The following PCDHA3 variants were observed in gnomAD, a reference collection of about 807,000 sequenced individuals.
PCDHA3 encodes protocadherin alpha 3.
PCDHA3 carries 41 observed loss-of-function variants against 62.2 expected under a neutral mutation model. The observed-to-expected ratio is 0.66, with a 90% CI of 0.51 to 0.86. The LOEUF (loss-of-function observed/expected upper bound fraction) is 0.86, where lower values mean the gene tolerates loss of function less well. PCDHA3 is among the 40% of genes least tolerant of loss of function. PCDHA3 has a pLI of 0.00. For synonymous variants in PCDHA3, 640 were observed against 555.4 expected (o/e 1.15, Z -2.14); for missense variants, 1,304 against 1,241.2 (o/e 1.05, Z -0.76).
rs1562179138 is a variant in PCDHA3, at chr5:140,801,463, G to A, written c.266G>A (p.Arg89Gln). 6.2e-7 allele frequency: 1 copy of A among 1,613,928 alleles called. No homozygotes were observed. Among genetic ancestry groups the A allele is most frequent in the African/African-American group, 1.3e-5 (1 of 74,942 alleles). The change falls in exon 1 of 4, where the codon CGG becomes CAG. Residue 89 changes from arginine (R) to glutamine (Q), a missense_variant. Physicochemically the swap from Arg to Gln is conservative, Grantham distance 43. Transcript: ENST00000522353. ...LQNGILFVNS[R>Q]IDREELCGRS... ...AATGGCATTTTGTTTGTGAATTCTC[G>A]GATAGACCGCGAGGAACTGTGCGGG... is the stretch of plus-strand genomic sequence containing the variant.
intron 1 of PCDHA3, among the ~76,000 whole-genome samples, chr5:140,879,850 T>C (rs935829286): frequency 3.3e-5 from 5 of 152,230 alleles, no homozygotes; most frequent in Non-Finnish European, 5.9e-5. Flanking sequence ...CACTCCCATC[T>C]CAGCCTTCTC....
At chr5:140,916,933 A>G (rs1554197692) in intron 1 of PCDHA3, among the ~76,000 whole-genome samples, 3 of 152,162 alleles carry the variant, frequency 2.0e-5, no homozygotes, top group Non-Finnish European at 4.4e-5. Context: ...ACTTAAGCAT[A>G]TAGTGGTGAG....
intron 3 of PCDHA3, among the ~76,000 whole-genome samples, chr5:140,996,256 A>C (rs2097718697): frequency 6.6e-6 from 1 of 152,252 alleles, no homozygotes. Flanking sequence ...TGACAGCAAC[A>C]CAGAGCCTGG....
intron 1 of PCDHA3, among the ~76,000 whole-genome samples, chr5:140,900,706 A>G (rs1279378955): frequency 6.6e-6 from 1 of 152,154 alleles, no homozygotes; most frequent in Admixed American, 6.5e-5. Flanking sequence ...GTTCTTTTGG[A>G]AAGAAAGGAA....
intron 2 of PCDHA3, among the ~76,000 whole-genome samples, chr5:140,981,011 T>C (rs1363062809): frequency 6.6e-6 from 1 of 152,132 alleles, no homozygotes; most frequent in African/African-American, 2.4e-5. Flanking sequence ...CCAGGAACAC[T>C]TGAAGGCTGT....
At chr5:140,961,193 G>C (rs1297758288) in intron 1 of PCDHA3, among the ~76,000 whole-genome samples, 1 of 152,124 alleles carries the variant, frequency 6.6e-6, no homozygotes, top group Non-Finnish European at 1.5e-5. Context: ...CAGGACCCTA[G>C]TGAGGTTGGT....
intron 1 of PCDHA3, among the ~76,000 whole-genome samples, chr5:140,906,069 T>C (rs2072342341): frequency 6.6e-6 from 1 of 152,204 alleles, no homozygotes; most frequent in African/African-American, 2.4e-5. Flanking sequence ...GCTGATTAGA[T>C]CGCACCCACC....
chr5:140,857,319 T>A, intron 1 of PCDHA3: 3 of 1,598,650 alleles, frequency 1.9e-6, no homozygotes, highest in Non-Finnish European at 2.6e-6. Flanking sequence ...GAGCTGGTGG[T>A]GACCGCGCGG....
intron 1 of PCDHA3, among the ~76,000 whole-genome samples, chr5:140,818,489 A>G (rs1554127494): frequency 6.6e-6 from 1 of 152,158 alleles, no homozygotes; most frequent in African/African-American, 2.4e-5. Context: ...CACTCACTTG[A>G]TCTTGGATTT....
intron 1 of PCDHA3, among the ~76,000 whole-genome samples, chr5:140,942,516 G>C (rs1172442572): frequency 2.0e-5 from 3 of 152,004 alleles, no homozygotes; most frequent in African/African-American, 7.3e-5. Flanking sequence ...AAACTCAGAG[G>C]GGAAGCAACT....
At chr5:140,815,851 G>C (rs767605235) in intron 1 of PCDHA3, 4 of 152,088 alleles carry the variant, frequency 2.6e-5, no homozygotes, top group Non-Finnish European at 4.4e-5. Context: ...TGGTGGATTT[G>C]GTATTCTTGG....
chr5:140,836,694 G>A (rs1249098151), intron 1 of PCDHA3: 9 of 1,613,292 alleles, frequency 5.6e-6, no homozygotes, highest in Non-Finnish European at 7.6e-6. Flanking sequence ...AGACCTCATG[G>A]CCTTCAGTCC....
intron 1 of PCDHA3, among the ~76,000 whole-genome samples, chr5:140,846,400 A>T (rs1581110513): frequency 9.9e-6 from 1 of 101,082 alleles, no homozygotes; most frequent in Non-Finnish European, 1.8e-5. Flanking sequence ...TTTGAGACGG[A>T]GTCTCGCTCT....
chr5:140,956,953 C>G (rs1347983778), intron 1 of PCDHA3, among the ~76,000 whole-genome samples: 1 of 135,202 alleles, frequency 7.4e-6, no homozygotes, highest in Non-Finnish European at 1.7e-5. Flanking sequence ...CATTAAAACA[C>G]TGTAATTAAT....
At position 140,803,410 on chromosome 5, in the gene PCDHA3, C is replaced by A; in HGVS notation, c.2213C>A (p.Thr738Lys). The change falls in exon 1 of 4, where the codon ACG becomes AAG. Residue 738 changes from threonine to lysine, a missense_variant. Physicochemically the swap from Thr to Lys is moderately conservative, Grantham distance 78. Coordinates refer to ENST00000522353, the MANE Select transcript of PCDHA3 (RefSeq NM_018906.3). ...TEGDCGPGKPTLVCSSAVGSW... is the reference protein window; with the variant it reads ...TEGDCGPGKPKLVCSSAVGSW... ...GGCGACTGTGGGCCGGGCAAGCCCA[C>A]GCTGGTGTGCTCCAGCGCGGTGGGG... 1.9e-6 allele frequency: 3 copies of A among 1,614,236 alleles called. No homozygotes were observed. Among genetic ancestry groups the A allele is most frequent in the South Asian group, 1.1e-5 (1 of 91,082 alleles).
At chr5:140,914,197 T>G (rs2076637069) in intron 1 of PCDHA3, among the ~76,000 whole-genome samples, 1 of 152,234 alleles carries the variant, frequency 6.6e-6, no homozygotes, top group South Asian at 2.1e-4. Flanking sequence ...ATTATTGTAT[T>G]GTGATCTCTA....
At chr5:140,815,206 C>G (rs141510646) in intron 1 of PCDHA3, 9 of 152,052 alleles carry the variant, frequency 5.9e-5, no homozygotes, top group African/African-American at 1.7e-4. Flanking sequence ...ATTGATAGGG[C>G]ATAACTTACT....
At chr5:140,869,529 T>G (rs2051206211) in intron 1 of PCDHA3, 2 of 1,614,166 alleles carry the variant, frequency 1.2e-6, no homozygotes, top group Non-Finnish European at 1.7e-6. Context: ...AGCTGCTGAT[T>G]GCGGAATCTA....
chr5:140,985,739 C>CTTTTT (rs11372071), intron 3 of PCDHA3, among the ~76,000 whole-genome samples: 4 of 117,922 alleles, frequency 3.4e-5, no homozygotes, highest in East Asian at 2.5e-4. Flanking sequence ...TGATGAATTC[C>CTTTTT]TTTTTTTTTT....
Sources: allele counts gnomAD v4.1 joint callset (sites outside exome capture counted in the v4.1 genomes callset), GRCh38; gene constraint gnomAD v4.1.1; transcripts MANE v1.5; gene names NCBI Gene and HGNC (gene_info 2026-07-23, HGNC 2026-07-21).